The following TUNAR variants were observed in gnomAD, a reference collection of about 807,000 sequenced individuals.
The protein encoded by TUNAR is protein TUNAR.
chr14:95,901,046 A>G (rs1441058779), intron 2 of TUNAR, among the ~76,000 whole-genome samples: 1 of 152,050 alleles, frequency 6.6e-6, no homozygotes, highest in African/African-American at 2.4e-5. Context: ...TTCAGTACTC[A>G]TATATAGGTT....
At position 95,906,257 on chromosome 14, in the gene TUNAR, A is replaced by G. The variant is rs568678933; in HGVS notation, c.13-16524A>G. 2.6e-5 allele frequency among the ~76,000 whole-genome samples: 4 copies of G among 152,302 alleles called. No homozygotes were observed. In the South Asian group the frequency reaches 8.3e-4, roughly 32 times the overall value. On this transcript the variant is annotated intron_variant, in intron 2 of 2. Coordinates refer to ENST00000678517, the Ensembl canonical transcript of TUNAR. Reference sequence around the variant, plus strand: ...TGCTTTTAGGCCTTTTAGGGGACATAGCTGGGAATGATATGGACAGGCACT... The same window carrying G: ...TGCTTTTAGGCCTTTTAGGGGACATGGCTGGGAATGATATGGACAGGCACT...
chr14:95,906,738 G>A (rs551958792), intron 2 of TUNAR, among the ~76,000 whole-genome samples: 12 of 152,146 alleles, frequency 7.9e-5, no homozygotes, highest in South Asian at 2.1e-4. Context: ...GTTTCCTTCC[G>A]GTCTTGGTAG....
chr14:95,886,803 G>A (rs926743285), intron 2 of TUNAR, among the ~76,000 whole-genome samples: 7 of 152,218 alleles, frequency 4.6e-5, no homozygotes, highest in Admixed American at 3.9e-4. Context: ...ATTGCTGGCA[G>A]CAGTCCACCT....
chr14:95,925,450 A>C (rs1433194761), exon 3 of TUNAR: 1 of 152,206 alleles, frequency 6.6e-6, no homozygotes, highest in East Asian at 1.9e-4. Flanking sequence ...GAGGCTGGTT[A>C]GAAATAAAGC....
At chr14:95,877,499 T>C (rs1333132743) in intron 2 of TUNAR, among the ~76,000 whole-genome samples, 2 of 152,166 alleles carry the variant, frequency 1.3e-5, no homozygotes. Context: ...TTAGTGGGTG[T>C]CCAGGCCGTG....
intron 2 of TUNAR, among the ~76,000 whole-genome samples, chr14:95,890,218 GA>G (rs2139656286): frequency 6.6e-6 from 1 of 152,218 alleles, no homozygotes; most frequent in East Asian, 1.9e-4. Flanking sequence ...TCGTGAAGGA[GA>G]AATGAAGCCA....
chr14:95,877,712 TCTA>T (rs2139648696), intron 2 of TUNAR, among the ~76,000 whole-genome samples: 1 of 152,310 alleles, frequency 6.6e-6, no homozygotes, highest in Non-Finnish European at 1.5e-5. Flanking sequence ...TCTCATTTCT[TCTA>T]CTAACTGCTT....
At chr14:95,908,303 A>G (rs1889456675) in intron 2 of TUNAR, among the ~76,000 whole-genome samples, 1 of 152,214 alleles carries the variant, frequency 6.6e-6, no homozygotes, top group South Asian at 2.1e-4. Context: ...CTGAGTCTGC[A>G]GCCATGGTTT....
chr14:95,917,800 G>GAT (rs1595126498), intron 2 of TUNAR, among the ~76,000 whole-genome samples: 1 of 152,172 alleles, frequency 6.6e-6, no homozygotes, highest in East Asian at 1.9e-4. Flanking sequence ...TCTTGATTGA[G>GAT]ATATAATTCA....
intron 2 of TUNAR, among the ~76,000 whole-genome samples, chr14:95,916,534 A>G (rs56099901): frequency 0.093 from 14,122 of 152,184 alleles, 2,135 homozygotes; most frequent in African/African-American, 0.32. Context: ...GCTGATGGCC[A>G]TTGATGCTGG....
rs1220762281 is a variant in TUNAR, at chr14:95,895,094, C to T, written c.12+17917C>T. 6.6e-6 allele frequency among the ~76,000 whole-genome samples: 1 copy of T among 152,190 alleles called. No individual in the cohort carries two copies. The highest frequency in any genetic ancestry group is 6.5e-5 in the Admixed American group (1 of 15,282). On this transcript the variant is annotated intron_variant, in intron 2 of 2. Coordinates refer to ENST00000678517, the Ensembl canonical transcript of TUNAR. The surrounding 1 kb of genome is among the most constrained non-coding windows in gnomAD (Gnocchi z 4.5). ...GAGAATAGTGACAGATGTTGTCTGCCAGGTAAGTGCAGGAAGTGCAGAACC... is the reference window on the plus strand; with the variant it reads ...GAGAATAGTGACAGATGTTGTCTGCTAGGTAAGTGCAGGAAGTGCAGAACC...
At chr14:95,889,312 C>T (rs1185404190) in intron 2 of TUNAR, among the ~76,000 whole-genome samples, 1 of 152,174 alleles carries the variant, frequency 6.6e-6, no homozygotes, top group Non-Finnish European at 1.5e-5. Flanking sequence ...ATTAATGTTA[C>T]ATATTAAAAG....
chr14:95,923,062 C>T, exon 3 of TUNAR: 1 of 398,344 alleles, frequency 2.5e-6, no homozygotes, highest in Non-Finnish European at 4.4e-6. Context: ...AACAAGCAGG[C>T]TTGACCCGCA....
intron 2 of TUNAR, among the ~76,000 whole-genome samples, chr14:95,917,896 A>G (rs1460554864): frequency 6.6e-6 from 1 of 152,230 alleles, no homozygotes; most frequent in Non-Finnish European, 1.5e-5. Flanking sequence ...ACTGTCACTA[A>G]AAATCTAAGT....
At chr14:95,881,443 T>C (rs1301207383) in intron 2 of TUNAR, among the ~76,000 whole-genome samples, 1 of 152,170 alleles carries the variant, frequency 6.6e-6, no homozygotes, top group Non-Finnish European at 1.5e-5. Flanking sequence ...CTGCTCCTCC[T>C]GAAAAAGGGA....
chr14:95,916,523 C>G (rs796625874), intron 2 of TUNAR, among the ~76,000 whole-genome samples: 2 of 152,288 alleles, frequency 1.3e-5, no homozygotes, highest in African/African-American at 4.8e-5. Flanking sequence ...TCCAGGCCAC[C>G]GCTGATGGCC....
chr14:95,878,703 G>A (rs764772184), intron 2 of TUNAR, among the ~76,000 whole-genome samples: 5 of 152,214 alleles, frequency 3.3e-5, no homozygotes, highest in African/African-American at 9.7e-5. Flanking sequence ...GCCCAAAAGA[G>A]GTGAAGCTCG....
At chr14:95,920,724 A>T (rs931593615) in intron 2 of TUNAR, among the ~76,000 whole-genome samples, 11 of 152,064 alleles carry the variant, frequency 7.2e-5, no homozygotes, top group African/African-American at 2.4e-4. Context: ...GCACAGGGGG[A>T]GGGCATGCAG....
chr14:95,876,761 G>A (rs1360966352), intron 1 of TUNAR, 71 bp from the exon 1 acceptor site: 1 of 152,240 alleles, frequency 6.6e-6, no homozygotes, highest in East Asian at 1.9e-4. Context: ...CGCCGTGGGT[G>A]GGGCAGCGCG....
Sources: gnomAD v4.1 joint callset for allele counts (sites outside exome capture counted in the v4.1 genomes callset) on GRCh38, gnomAD v4.1.1 for gene constraint, Gnocchi (gnomAD v3.1) non-coding constraint, MANE v1.5 for transcripts, NCBI Gene and HGNC (gene_info 2026-07-23, HGNC 2026-07-21) for gene names.